FGD5: variants seen among roughly 807,000 people sequenced by gnomAD.
FGD5 encodes the protein FYVE, RhoGEF and PH domain-containing protein 5.
Under a neutral mutation model 133.4 loss-of-function variants are expected in FGD5, and 28 were observed. The observed-to-expected ratio is 0.21, with a 90% CI of 0.16 to 0.29. The LOEUF is 0.29. Among genes scored for constraint, FGD5 ranks in the 10% least tolerant of loss-of-function variants. FGD5 has a pLI of 1.00. For missense variants in FGD5, 1,858 were observed against 1,895.2 expected (o/e 0.98, Z 0.36); for synonymous variants, 810 against 776.5 (o/e 1.04, Z -0.72).
chr3:14,924,012 G>A lies in FGD5; in HGVS notation c.3942G>A (p.Arg1314=), dbSNP rs780047244. The A allele has an allele frequency of 1.1e-5, 18 of 1,613,784 alleles. No homozygotes were observed. The highest frequency in any genetic ancestry group is 1.4e-5 in the Non-Finnish European group (17 of 1,179,874). The change falls in exon 17 of 20, where the codon CGG becomes CGA. Residue 1314 remains arginine (R), a synonymous_variant. Transcript: ENST00000285046. ...GRAVPGLMRE[R]PVSMSFPLSS... ...TGTGGCTTCTTTCAGTTACAGAGCGGCCTGTGAGCATGAGCTTCCCGCTGT... is the reference window on the plus strand; with the variant it reads ...TGTGGCTTCTTTCAGTTACAGAGCGACCTGTGAGCATGAGCTTCCCGCTGT...
chr3:14,872,936 C>T (rs1168702619), intron 2 of FGD5, among the ~76,000 whole-genome samples: 1 of 152,178 alleles, frequency 6.6e-6, no homozygotes, highest in Non-Finnish European at 1.5e-5. Flanking sequence ...GCTTGTTTAG[C>T]TGCTGGTGAA....
At position 14,890,908 on chromosome 3, in the gene FGD5, A is replaced by G. The variant is rs556840744; in HGVS notation, c.2749-6601A>G. Among the ~76,000 whole-genome samples, 7 of 152,298 alleles carry G rather than the reference A, an allele frequency of 4.6e-5. No homozygotes were observed. In the East Asian group the frequency reaches 1.2e-3, roughly 25 times the overall value. On this transcript the variant is annotated intron_variant, in intron 4 of 19. Transcript: ENST00000285046. ...AAGAGCCTCTCTGCAGCCTCCTGCT[A>G]TACTTTGTGGTACTGTTATCCCCAT...
At chr3:14,853,207 C>T (rs1001613041) in intron 1 of FGD5, among the ~76,000 whole-genome samples, 2 of 152,138 alleles carry the variant, frequency 1.3e-5, no homozygotes, top group African/African-American at 4.8e-5. Flanking sequence ...AGCATCAGAG[C>T]AGAAGGGGTC....
In FGD5 at chr3:14,819,635, G is replaced by T. The variant is rs975894305; in HGVS notation, c.564G>T (p.Gly188=). ...LEDSGPWAGE[G]VFQSDLLLPH... ...ACAGTGGGCCTTGGGCTGGAGAGGG[G>T]GTCTTCCAGAGCGACCTCCTCCTGC... The change falls in exon 1 of 20, where the codon GGG becomes GGT. Residue 188 remains glycine (G), a synonymous_variant. Transcript: ENST00000285046. The surrounding 1 kb of genome is among the most constrained non-coding windows in gnomAD (Gnocchi z 4.1). 7.7e-6 allele frequency: 12 copies of T among 1,550,700 alleles called. No homozygotes were observed. The African/African-American group carries it at 1.4e-4, about 18-fold the overall frequency.
At chr3:14,865,261 C>T (rs1386920455) in intron 2 of FGD5, among the ~76,000 whole-genome samples, 4 of 152,212 alleles carry the variant, frequency 2.6e-5, no homozygotes, top group African/African-American at 9.6e-5. Context: ...CCCTCCCCTT[C>T]CAAGCCTAGG....
chr3:14,905,035 C>T (rs2038313108), intron 9 of FGD5, among the ~76,000 whole-genome samples: 1 of 151,954 alleles, frequency 6.6e-6, no homozygotes, highest in South Asian at 2.1e-4. Context: ...CTAATCATGA[C>T]CACACTAGCC....
intron 17 of FGD5, 102 bp from the exon 18 acceptor site, chr3:14,925,968 A>G (rs2038795291): frequency 6.8e-7 from 1 of 1,476,058 alleles, no homozygotes; most frequent in Admixed American, 1.9e-5. Context: ...AAGCAGTATA[A>G]GTAGTCAGCC....
chr3:14,881,475 A>G (rs1323747942), intron 4 of FGD5, among the ~76,000 whole-genome samples: 4 of 152,156 alleles, frequency 2.6e-5, no homozygotes, highest in Non-Finnish European at 5.9e-5. Context: ...AAGGGGACGG[A>G]TGAGGGGGTG....
At chr3:14,908,755 C>CT (rs1471486825) in intron 10 of FGD5, among the ~76,000 whole-genome samples, 1 of 151,118 alleles carries the variant, frequency 6.6e-6, no homozygotes, top group Non-Finnish European at 1.5e-5. Context: ...ATGTGGTGGC[C>CT]TGTAGTCCCA....
chr3:14,885,828 C>T (rs1337298960), intron 4 of FGD5, among the ~76,000 whole-genome samples: 2 of 152,148 alleles, frequency 1.3e-5, no homozygotes, highest in African/African-American at 4.8e-5. Flanking sequence ...TGGGAGGGGA[C>T]ATAGTCTCTC....
intron 1 of FGD5, among the ~76,000 whole-genome samples, chr3:14,844,835 T>C (rs942994643): frequency 6.6e-6 from 1 of 152,206 alleles, no homozygotes; most frequent in Non-Finnish European, 1.5e-5. Flanking sequence ...CTCTCCTCAA[T>C]AGACTGCACT....
chr3:14,836,990 C>T (rs552636438), intron 1 of FGD5, among the ~76,000 whole-genome samples: 100 of 152,242 alleles, frequency 6.6e-4, no homozygotes, highest in African/African-American at 2.1e-3. Context: ...CAGAAGCACC[C>T]GGGTATAAGG....
rs577699712 is a variant in FGD5 at position 14,894,341 on chromosome 3, T to C, written c.2749-3168T>C. On this transcript the variant is annotated intron_variant, in intron 4 of 19. Transcript: ENST00000285046. ...ATTGTGTATATATTGCCACATTTTC[T>C]TTATCCATTCATCTGTTGAGGTGTA... is the stretch of plus-strand genomic sequence containing the variant. Among the ~76,000 whole-genome samples the C allele has an allele frequency of 1.0e-3, 157 of 152,328 alleles. 1 individual carries two copies. In the South Asian group the frequency reaches 0.031, roughly 30 times the overall value.
chr3:14,897,674 G>T lies in FGD5; in HGVS notation c.2909+5G>T. 1.9e-6 allele frequency: 3 copies of T among 1,599,784 alleles called. No homozygotes were observed. The South Asian group carries it at 3.4e-5, about 18-fold the overall frequency. Reference sequence around the variant, plus strand: ...GGAGGAAAGGCTGTCAAATTGGTGAGCAGTCCCTGGACCCCCGGGTTCCAC... The same window carrying T: ...GGAGGAAAGGCTGTCAAATTGGTGATCAGTCCCTGGACCCCCGGGTTCCAC... On this transcript the variant is annotated splice_donor_5th_base_variant and intron_variant, in intron 5 of 19. Coordinates refer to ENST00000285046, the MANE Select transcript of FGD5 (RefSeq NM_152536.4).
chr3:14,893,763 T>TTC (rs1167407282), intron 4 of FGD5, among the ~76,000 whole-genome samples: 1 of 140,874 alleles, frequency 7.1e-6, no homozygotes, highest in Admixed American at 7.1e-5. Context: ...TTTTTTTTTT[T>TTC]TTTTTTTTTG....
At chr3:14,918,320 G>C (rs2038600713) in intron 12 of FGD5, among the ~76,000 whole-genome samples, 1 of 152,236 alleles carries the variant, frequency 6.6e-6, no homozygotes, top group Non-Finnish European at 1.5e-5. Flanking sequence ...AGCTGAGAGA[G>C]GCACTGTGCA....
chr3:14,844,204 TAAAA>T (rs1168327274), intron 1 of FGD5, among the ~76,000 whole-genome samples: 567 of 17,032 alleles, frequency 0.033, 12 homozygotes, highest in Middle Eastern at 0.11. Flanking sequence ...TAATAGGCAT[TAAAA>T]AAAAAAAAAA....
intron 1 of FGD5, among the ~76,000 whole-genome samples, chr3:14,858,204 G>A (rs574790877): frequency 1.1e-3 from 173 of 152,286 alleles, no homozygotes; most frequent in African/African-American, 4.0e-3. Context: ...CCCTCCTTGT[G>A]TTAGCTCCAT....
chr3:14,879,604 A>G (rs1423327302), intron 2 of FGD5, among the ~76,000 whole-genome samples: 2 of 152,256 alleles, frequency 1.3e-5, no homozygotes, highest in Non-Finnish European at 2.9e-5. Context: ...TCTTTCAGTC[A>G]ACAAAGAGAA....
Sources: gnomAD v4.1 joint callset for allele counts (sites outside exome capture counted in the v4.1 genomes callset) on GRCh38, gnomAD v4.1.1 for gene constraint, Gnocchi (gnomAD v3.1) non-coding constraint, MANE v1.5 for transcripts, NCBI Gene and HGNC (gene_info 2026-07-23, HGNC 2026-07-21) for gene names.